Variants in NELL1 observed in about 807,000 individuals in gnomAD.
NELL1 encodes neural EGFL like 1.
In NELL1, 76 loss-of-function variants were observed where a neutral mutation model predicts 107.4. The observed-to-expected ratio is 0.71, with a 90% CI of 0.59 to 0.86. The LOEUF is 0.86. Ranked by LOEUF, NELL1 falls within the 40% of genes least tolerant of loss-of-function variation. NELL1 has a pLI of 0.00. For synonymous variants in NELL1, 353 were observed against 341.2 expected (o/e 1.03, Z -0.38); for missense variants, 1,024 against 1,005.5 (o/e 1.02, Z -0.25).
rs1857818663 is a variant in NELL1 at position 20,824,019 on chromosome 11, C to G, written c.336-23564C>G. Among the ~76,000 whole-genome samples the G allele has an allele frequency of 2.6e-5, 4 of 151,396 alleles. No homozygotes were observed. In the South Asian group the frequency reaches 8.3e-4, roughly 31 times the overall value. On this transcript the variant is annotated intron_variant, in intron 3 of 19. Coordinates refer to ENST00000357134, the MANE Select transcript of NELL1 (RefSeq NM_006157.5). Reference sequence around the variant, plus strand: ...CTGTGCATCCTCACCCAAATCTCATCTTGAGCTGTAATCCAAATTGTAATC... The same window carrying G: ...CTGTGCATCCTCACCCAAATCTCATGTTGAGCTGTAATCCAAATTGTAATC...
chr11:21,489,398 A>AAAAAAAAAAAC (rs1854737406), intron 15 of NELL1, among the ~76,000 whole-genome samples: 2 of 146,420 alleles, frequency 1.4e-5, no homozygotes, highest in Non-Finnish European at 3.0e-5. Context: ...AAAAAAAAAA[A>AAAAAAAAAAAC]AAAAAAAAAA....
intron 13 of NELL1, among the ~76,000 whole-genome samples, chr11:21,145,589 C>G (rs955854745): frequency 3.9e-5 from 6 of 152,192 alleles, no homozygotes; most frequent in Admixed American, 2.0e-4. Context: ...GCTGCTATCT[C>G]TTGATTATCC....
At chr11:21,493,865 A>G (rs1239415307) in intron 15 of NELL1, among the ~76,000 whole-genome samples, 1 of 152,036 alleles carries the variant, frequency 6.6e-6, no homozygotes, top group Non-Finnish European at 1.5e-5. Context: ...CTCATACCCT[A>G]TAAATATGTA....
Position 20,993,906 on chromosome 11 carries a change from A to T in NELL1, c.1300+33346A>T, listed in dbSNP as rs528908383. On this transcript the variant is annotated intron_variant, in intron 12 of 19. Coordinates refer to ENST00000357134, the MANE Select transcript of NELL1 (RefSeq NM_006157.5). Reference sequence around the variant, plus strand: ...GTCTTTGTTGCCAAAAAAAAAAAAAAAAAAATCAGTACGAATCAGGCATTA... The same window carrying T: ...GTCTTTGTTGCCAAAAAAAAAAAAATAAAAATCAGTACGAATCAGGCATTA... Among the ~76,000 whole-genome samples the T allele has an allele frequency of 3.6e-4, 55 of 152,218 alleles. 1 individual carries two copies. Among genetic ancestry groups the T allele is most frequent in the Admixed American group, 5.2e-4 (8 of 15,304 alleles).
At chr11:21,264,071 G>GTGTGTGTGTGTGTGTGTGTGTGT (rs1554989862) in intron 14 of NELL1, among the ~76,000 whole-genome samples, 2 of 139,436 alleles carry the variant, frequency 1.4e-5, no homozygotes, top group Non-Finnish European at 3.1e-5. Flanking sequence ...TCTACAATGG[G>GTGTGTGTGTGTGTGTGTGTGTGT]GTGTGTGTGT....
chr11:21,091,020 T>C (rs899290930), intron 12 of NELL1, among the ~76,000 whole-genome samples: 5 of 152,200 alleles, frequency 3.3e-5, no homozygotes, highest in Non-Finnish European at 7.3e-5. Flanking sequence ...TGCAGAATCA[T>C]GTAGATTAAA....
intron 15 of NELL1, among the ~76,000 whole-genome samples, chr11:21,432,951 A>T (rs1853003710): frequency 6.6e-6 from 1 of 152,124 alleles, no homozygotes; most frequent in South Asian, 2.1e-4. Flanking sequence ...AACACACTAG[A>T]AGTTATTTCT....
At chr11:21,524,848 T>C (rs1855811469) in intron 15 of NELL1, among the ~76,000 whole-genome samples, 1 of 152,190 alleles carries the variant, frequency 6.6e-6, no homozygotes, top group Non-Finnish European at 1.5e-5. Context: ...AGCAGTCAAA[T>C]TTCAATAGTT....
intron 12 of NELL1, among the ~76,000 whole-genome samples, chr11:21,093,067 G>T (rs1854557343): frequency 6.6e-6 from 1 of 152,142 alleles, no homozygotes. Flanking sequence ...GTTTACCATT[G>T]GTTCAGGGGT....
At position 21,309,294 on chromosome 11, in the gene NELL1, ATATATG is replaced by A. The variant is rs1323785779; in HGVS notation, c.1550-61553_1550-61548del. 9.3e-3 allele frequency among the ~76,000 whole-genome samples: 730 copies of A among 78,428 alleles called. 11 individuals are homozygous for A. Among genetic ancestry groups the A allele is most frequent in the Middle Eastern group, 0.048 (6 of 124 alleles). 51.5% of individuals were successfully genotyped at this position (78,428 alleles called of 152,430 possible). A position where few individuals can be genotyped will look rare whatever the true frequency, so the allele number is the denominator to read the frequency against. On this transcript the variant is annotated intron_variant, in intron 14 of 19. Coordinates refer to ENST00000357134, the MANE Select transcript of NELL1 (RefSeq NM_006157.5). ...TATATATATATGTATATATATATATATATATGTATATATATATAATATATATATATA... is the reference window on the plus strand; with the variant it reads ...TATATATATATGTATATATATATATATATATATATATAATATATATATATA...
chr11:20,737,329 T>C lies in NELL1; in HGVS notation c.185-46351T>C, dbSNP rs577195173. Reference sequence around the variant, plus strand: ...TGGCTCTGGGGTATCTGTTTTCAGATATATCTGAGTTAGAGCAAAAAAGGG... The same window carrying C: ...TGGCTCTGGGGTATCTGTTTTCAGACATATCTGAGTTAGAGCAAAAAAGGG... On this transcript the variant is annotated intron_variant, in intron 2 of 19. Coordinates refer to ENST00000357134, the MANE Select transcript of NELL1 (RefSeq NM_006157.5). Among the ~76,000 whole-genome samples, 14 of 152,208 alleles carry C rather than the reference T, an allele frequency of 9.2e-5. No individual in the cohort carries two copies. In the South Asian group the frequency reaches 2.7e-3, roughly 29 times the overall value.
At chr11:20,834,806 A>G (rs1037391776) in intron 3 of NELL1, among the ~76,000 whole-genome samples, 11 of 152,304 alleles carry the variant, frequency 7.2e-5, no homozygotes, top group African/African-American at 2.6e-4. Flanking sequence ...GAAGTGGAGA[A>G]AGGACTGGAG....
intron 15 of NELL1, among the ~76,000 whole-genome samples, chr11:21,519,778 G>A (rs1224849969): frequency 2.0e-5 from 3 of 152,040 alleles, no homozygotes; most frequent in Non-Finnish European, 4.4e-5. Context: ...GAAGTTGCAA[G>A]CCTTCAAATA....
At chr11:21,260,401 C>T (rs1220249886) in intron 14 of NELL1, 1 of 151,820 alleles carries the variant, frequency 6.6e-6, no homozygotes, top group Non-Finnish European at 1.5e-5. Context: ...TTTGTATAAC[C>T]AGAGAAGCCC....
chr11:21,413,945 A>C (rs924367655), intron 15 of NELL1, among the ~76,000 whole-genome samples: 4 of 152,068 alleles, frequency 2.6e-5, no homozygotes, highest in African/African-American at 9.7e-5. Context: ...GAAATAATAG[A>C]ATGATCAAGA....
At chr11:21,420,915 A>G (rs1852649367) in intron 15 of NELL1, among the ~76,000 whole-genome samples, 2 of 152,180 alleles carry the variant, frequency 1.3e-5, no homozygotes, top group Admixed American at 1.3e-4. Flanking sequence ...AAAATAAAAG[A>G]CCCTTAGGTA....
intron 12 of NELL1, among the ~76,000 whole-genome samples, chr11:20,962,300 A>T (rs1465445160): frequency 1.3e-5 from 2 of 152,212 alleles, no homozygotes; most frequent in Non-Finnish European, 2.9e-5. Flanking sequence ...AGAATTAAAA[A>T]TGTGAGTATT....
chr11:20,775,005 A>G (rs908613565), intron 2 of NELL1, among the ~76,000 whole-genome samples: 2 of 152,118 alleles, frequency 1.3e-5, no homozygotes, highest in African/African-American at 4.8e-5. Context: ...CAATTGTGGG[A>G]CTGAAAGCAA....
At chr11:20,834,198 A>G (rs951943636) in intron 3 of NELL1, among the ~76,000 whole-genome samples, 1 of 152,150 alleles carries the variant, frequency 6.6e-6, no homozygotes, top group African/African-American at 2.4e-5. Context: ...GAGATTTGGA[A>G]TGGATAAATG....
Sources: gnomAD v4.1 joint callset for allele counts (sites outside exome capture counted in the v4.1 genomes callset) on GRCh38, gnomAD v4.1.1 for gene constraint, MANE v1.5 for transcripts, NCBI Gene and HGNC (gene_info 2026-07-23, HGNC 2026-07-21) for gene names.